Variants in CSMD1 observed in about 807,000 individuals in gnomAD.
CSMD1 encodes the protein CUB and Sushi multiple domains 1.
In CSMD1, 213 loss-of-function variants were observed where a neutral mutation model predicts 417.5. The ratio of observed to expected loss-of-function variants is 0.51; its 90% confidence interval spans 0.46 to 0.57. The LOEUF is 0.57. Among genes scored for constraint, CSMD1 ranks in the 20% least tolerant of loss-of-function variants. The pLI is 0.00. For synonymous variants in CSMD1, 2,862 were observed against 1,736.8 expected (o/e 1.65, Z -16.11); for missense variants, 6,923 against 4,529.7 (o/e 1.53, Z -15.17).
At chr8:4,441,095 G>GTTTTTTGT (rs1554478144) in intron 2 of CSMD1, among the ~76,000 whole-genome samples, 2 of 51,296 alleles carry the variant, frequency 3.9e-5, no homozygotes, top group African/African-American at 6.7e-5. Context: ...TAATCAAAAG[G>GTTTTTTGT]TTTTTTTTTT....
chr8:3,658,923 C>T (rs962834411), intron 7 of CSMD1, among the ~76,000 whole-genome samples: 1 of 152,076 alleles, frequency 6.6e-6, no homozygotes, highest in Non-Finnish European at 1.5e-5. Flanking sequence ...CATTCTTGAC[C>T]TACCAAATAA....
chr8:3,193,890 ATGC>A (rs1467955857), intron 33 of CSMD1, among the ~76,000 whole-genome samples: 1 of 152,220 alleles, frequency 6.6e-6, no homozygotes, highest in African/African-American at 2.4e-5. Flanking sequence ...CTACAGATAC[ATGC>A]TGCTCCTTTA....
intron 2 of CSMD1, among the ~76,000 whole-genome samples, chr8:4,539,800 T>C (rs1002027629): frequency 5.3e-5 from 8 of 152,208 alleles, no homozygotes; most frequent in African/African-American, 1.9e-4. Flanking sequence ...TCTGGTTTAT[T>C]TTCCATATGG....
intron 5 of CSMD1, among the ~76,000 whole-genome samples, chr8:3,946,566 C>G (rs561206575): frequency 9.7e-4 from 147 of 152,204 alleles, no homozygotes; most frequent in Admixed American, 1.8e-3. Context: ...TAAAAACAAA[C>G]AAACAAACAA....
intron 2 of CSMD1, among the ~76,000 whole-genome samples, chr8:4,546,515 C>G (rs945061397): frequency 2.6e-5 from 4 of 152,166 alleles, no homozygotes; most frequent in Admixed American, 1.3e-4. Context: ...TGAATTTTCT[C>G]TTTTCCAGAG....
intron 1 of CSMD1, among the ~76,000 whole-genome samples, chr8:4,950,535 A>G (rs1278452878): frequency 6.6e-6 from 1 of 152,198 alleles, no homozygotes; most frequent in South Asian, 2.1e-4. Context: ...TAAAAAAGTA[A>G]GTTGTTTTTA....
chr8:4,291,744 G>A (rs1797379457), intron 3 of CSMD1, among the ~76,000 whole-genome samples: 1 of 152,160 alleles, frequency 6.6e-6, no homozygotes, highest in Non-Finnish European at 1.5e-5. Context: ...GGAGACAAAA[G>A]TTAAAGAATA....
At chr8:4,140,356 G>A (rs1803710206) in intron 3 of CSMD1, among the ~76,000 whole-genome samples, 2 of 150,972 alleles carry the variant, frequency 1.3e-5, no homozygotes, top group Non-Finnish European at 2.9e-5. Context: ...AAATTAGCTG[G>A]GAATGGTGGC....
intron 3 of CSMD1, among the ~76,000 whole-genome samples, chr8:4,212,714 T>C (rs904828876): frequency 6.7e-6 from 1 of 149,442 alleles, no homozygotes; most frequent in South Asian, 2.1e-4. Context: ...TACATGAATA[T>C]GAAACATTGT....
chr8:3,987,387 G>T (rs991085761), intron 5 of CSMD1, among the ~76,000 whole-genome samples: 3 of 152,182 alleles, frequency 2.0e-5, no homozygotes, highest in Admixed American at 2.0e-4. Flanking sequence ...CATATGCCAT[G>T]ATAACGACTA....
chr8:4,706,357 A>G (rs2116842316), intron 1 of CSMD1, among the ~76,000 whole-genome samples: 1 of 152,256 alleles, frequency 6.6e-6, no homozygotes, highest in East Asian at 1.9e-4. Flanking sequence ...AAATTATTAT[A>G]CTCCATACTG....
At chr8:3,434,938 C>G (rs1814450681) in intron 12 of CSMD1, among the ~76,000 whole-genome samples, 2 of 152,200 alleles carry the variant, frequency 1.3e-5, no homozygotes, top group Admixed American at 1.3e-4. Flanking sequence ...CTAGTCAGCA[C>G]AGTTCCCATG....
At chr8:4,022,406 T>C (rs543732761) in intron 4 of CSMD1, among the ~76,000 whole-genome samples, 4 of 152,128 alleles carry the variant, frequency 2.6e-5, no homozygotes, top group Non-Finnish European at 5.9e-5. Context: ...ATATTTTCTA[T>C]GTACAGTTTG....
chr8:4,893,834 G>A (rs1804292373), intron 1 of CSMD1, among the ~76,000 whole-genome samples: 1 of 152,092 alleles, frequency 6.6e-6, no homozygotes, highest in South Asian at 2.1e-4. Flanking sequence ...CTGGAACGGT[G>A]AGTAGCATAC....
At position 3,748,362 on chromosome 8, in the gene CSMD1, G is replaced by C. The variant is rs149805363; in HGVS notation, c.931+5568C>G. Among the ~76,000 whole-genome samples, 46 of 152,132 alleles carry C rather than the reference G, an allele frequency of 3.0e-4. No individual in the cohort carries two copies. In the South Asian group the frequency reaches 3.7e-3, roughly 12 times the overall value. On this transcript the variant is annotated intron_variant, in intron 6 of 69. Coordinates refer to ENST00000635120, the MANE Select transcript of CSMD1 (RefSeq NM_033225.6). The stretch of plus-strand genomic sequence containing the variant: ...TTCATGCATCCATACCTACCTAATA[G>C]TTCCCTCAAATACAAGATAGCAAGG...
intron 5 of CSMD1, among the ~76,000 whole-genome samples, chr8:3,911,514 CA>C (rs1367113280): frequency 1.2e-3 from 172 of 139,860 alleles, no homozygotes; most frequent in African/African-American, 4.5e-3. Context: ...GGCAACAGAG[CA>C]AGACTCCGTC....
intron 1 of CSMD1, among the ~76,000 whole-genome samples, chr8:4,933,473 A>C (rs1807393412): frequency 6.6e-6 from 1 of 152,200 alleles, no homozygotes; most frequent in Non-Finnish European, 1.5e-5. Flanking sequence ...CAAGGAGAGA[A>C]CTGTCAGTGC....
At chr8:3,312,723 G>A (rs1242801348) in intron 23 of CSMD1, among the ~76,000 whole-genome samples, 3 of 152,154 alleles carry the variant, frequency 2.0e-5, no homozygotes, top group Admixed American at 1.3e-4. Context: ...TTAGTCGCCT[G>A]CTAGGGAGAA....
At chr8:4,832,414 G>A (rs1800208172) in intron 1 of CSMD1, among the ~76,000 whole-genome samples, 3 of 152,150 alleles carry the variant, frequency 2.0e-5, no homozygotes, top group African/African-American at 7.2e-5. Context: ...CATCTACTAA[G>A]AGCATCAGGA....
Sources: allele counts gnomAD v4.1 joint callset (sites outside exome capture counted in the v4.1 genomes callset), GRCh38; gene constraint gnomAD v4.1.1; transcripts MANE v1.5; gene names NCBI Gene and HGNC (gene_info 2026-07-23, HGNC 2026-07-21).